GRID2: variants seen among roughly 807,000 people sequenced by gnomAD.
The protein encoded by GRID2 is glutamate ionotropic receptor delta type subunit 2, also known as glutamate receptor ionotropic, delta-2.
A neutral mutation model predicts 114.8 loss-of-function variants in GRID2; 33 were observed. That is an observed-to-expected ratio of 0.29 (90% CI 0.22 to 0.38). The LOEUF (loss-of-function observed/expected upper bound fraction) is 0.38, where lower values mean the gene tolerates loss of function less well. GRID2 is among the 10% of genes least tolerant of loss of function. GRID2 has a pLI of 1.00. For missense variants in GRID2, 1,184 were observed against 1,257.7 expected (o/e 0.94, Z 0.89); for synonymous variants, 505 against 449.9 (o/e 1.12, Z -1.55).
intron 1 of GRID2, among the ~76,000 whole-genome samples, chr4:92,534,094 T>C (rs1560694296): frequency 6.6e-6 from 1 of 152,110 alleles, no homozygotes; most frequent in Non-Finnish European, 1.5e-5. Flanking sequence ...TTAAATCTTT[T>C]TGAAGTAACT....
chr4:93,806,379 C>T (rs1315185442), intron 1 of GRID2, among the ~76,000 whole-genome samples: 1 of 152,126 alleles, frequency 6.6e-6, no homozygotes, highest in Non-Finnish European at 1.5e-5. Flanking sequence ...AGCGATACTG[C>T]CTTTATTTTC....
chr4:93,109,691 A>T (rs2149350313), intron 3 of GRID2, among the ~76,000 whole-genome samples: 1 of 152,206 alleles, frequency 6.6e-6, no homozygotes, highest in East Asian at 1.9e-4. Flanking sequence ...TAAATATTTT[A>T]TTCTTTGGAT....
At chr4:92,944,337 A>G (rs982143117) in intron 2 of GRID2, among the ~76,000 whole-genome samples, 2 of 152,284 alleles carry the variant, frequency 1.3e-5, no homozygotes, top group Admixed American at 6.5e-5. Flanking sequence ...TGTGCTAGCA[A>G]TGAGTGAGGC....
intron 2 of GRID2, among the ~76,000 whole-genome samples, chr4:92,710,284 TAGTA>T (rs1343186830): frequency 4.0e-5 from 6 of 151,466 alleles, no homozygotes; most frequent in African/African-American, 7.3e-5. Flanking sequence ...GAGAAGAAAA[TAGTA>T]AGTACTAAAT....
At chr4:93,671,585 A>G (rs775279478) in intron 14 of GRID2, among the ~76,000 whole-genome samples, 15 of 152,158 alleles carry the variant, frequency 9.9e-5, no homozygotes, top group Non-Finnish European at 2.1e-4. Flanking sequence ...ATTTCTATCT[A>G]CCTCACAGGG....
At chr4:92,470,294 T>G in intron 1 of GRID2, among the ~76,000 whole-genome samples, 1 of 151,834 alleles carries the variant, frequency 6.6e-6, no homozygotes, top group South Asian at 2.1e-4. Context: ...AAAATCATCA[T>G]TAAAAACTTC....
intron 1 of GRID2, among the ~76,000 whole-genome samples, chr4:92,363,647 A>T (rs1728718126): frequency 6.6e-6 from 1 of 151,852 alleles, no homozygotes; most frequent in African/African-American, 2.4e-5. Flanking sequence ...TTATTTTGTC[A>T]TTTAGACTTC....
chr4:93,326,782 A>G (rs1241051578), intron 8 of GRID2, among the ~76,000 whole-genome samples: 1 of 152,156 alleles, frequency 6.6e-6, no homozygotes, highest in African/African-American at 2.4e-5. Flanking sequence ...TGGCTTTATC[A>G]TTCAGTTACC....
chr4:92,837,336 G>A (rs1039134630), intron 2 of GRID2, among the ~76,000 whole-genome samples: 1 of 151,900 alleles, frequency 6.6e-6, no homozygotes. Flanking sequence ...GACCAGAAGG[G>A]TCCATTTCTA....
intron 4 of GRID2, among the ~76,000 whole-genome samples, chr4:93,173,748 T>G (rs1739076854): frequency 6.6e-6 from 1 of 151,920 alleles, no homozygotes; most frequent in East Asian, 1.9e-4. Flanking sequence ...TCCAACCTCA[T>G]CCTCCCAAGC....
intron 1 of GRID2, among the ~76,000 whole-genome samples, chr4:92,436,832 T>C (rs1056690795): frequency 6.6e-6 from 1 of 152,184 alleles, no homozygotes; most frequent in African/African-American, 2.4e-5. Flanking sequence ...GATTTATTTA[T>C]GATATAAGAA....
At chr4:93,629,495 T>G (rs1485788614) in intron 14 of GRID2, among the ~76,000 whole-genome samples, 1 of 152,090 alleles carries the variant, frequency 6.6e-6, no homozygotes, top group Non-Finnish European at 1.5e-5. Flanking sequence ...ATTTGTTCCA[T>G]TTTTTTATAG....
At chr4:93,719,595 A>G (rs1729185768) in intron 14 of GRID2, among the ~76,000 whole-genome samples, 1 of 152,196 alleles carries the variant, frequency 6.6e-6, no homozygotes, top group South Asian at 2.1e-4. Context: ...ACAAGGCATC[A>G]ATCAGATCCA....
At chr4:92,835,446 G>C (rs1742387304) in intron 2 of GRID2, among the ~76,000 whole-genome samples, 1 of 152,106 alleles carries the variant, frequency 6.6e-6, no homozygotes, top group South Asian at 2.1e-4. Context: ...TGTCTATCTA[G>C]TACAGAGGAA....
chr4:93,704,283 A>G (rs1485557244), intron 14 of GRID2, among the ~76,000 whole-genome samples: 2 of 152,170 alleles, frequency 1.3e-5, no homozygotes, highest in African/African-American at 4.8e-5. Flanking sequence ...TTTTGGCTGC[A>G]TAAATGTCTT....
chr4:92,929,628 TA>T (rs1451313960), intron 2 of GRID2, among the ~76,000 whole-genome samples: 1 of 151,372 alleles, frequency 6.6e-6, no homozygotes, highest in East Asian at 1.9e-4. Flanking sequence ...ATTTATTTGA[TA>T]AAGTCTTCTT....
chr4:92,439,246 C>T (rs537475561), intron 1 of GRID2, among the ~76,000 whole-genome samples: 7 of 152,040 alleles, frequency 4.6e-5, no homozygotes, highest in South Asian at 2.1e-4. Context: ...AGGCAAGGAC[C>T]GGCCATTTAC....
In GRID2 at chr4:92,688,037, C is replaced by CCTTTTTTTTTTTTTTTTTT. The variant is rs1553916864; in HGVS notation, c.244+97751_244+97752insCTTTTTTTTTTTTTTTTTT. Among the ~76,000 whole-genome samples, 397 of 44,666 alleles carry CCTTTTTTTTTTTTTTTTTT rather than the reference C, an allele frequency of 8.9e-3. 53 individuals are homozygous for CCTTTTTTTTTTTTTTTTTT. The highest frequency in any genetic ancestry group is 0.023 in the East Asian group (43 of 1,888). 29.3% of individuals were successfully genotyped at this position (44,666 alleles called of 152,430 possible). A position where few individuals can be genotyped will look rare whatever the true frequency, so the allele number is the denominator to read the frequency against. On this transcript the variant is annotated intron_variant, in intron 2 of 15. Transcript: ENST00000282020. ...GCCACATTGGTTGACCCTTCTTCTT[C>CCTTTTTTTTTTTTTTTTTT]TTTTTTTTTTTTTTTTTTTTTTTTT...
rs1205096650 is a variant in GRID2, at chr4:93,371,741, C to CTTTTTTTT, written c.1246-23850_1246-23843dup. Among the ~76,000 whole-genome samples, 184 of 89,752 alleles carry CTTTTTTTT rather than the reference C, an allele frequency of 2.1e-3. 1 individual carries two copies. Among genetic ancestry groups the CTTTTTTTT allele is most frequent in the African/African-American group, 4.7e-3 (100 of 21,430 alleles). The allele number at this position is 89,752 out of a possible 152,430, so 58.9% of individuals were successfully genotyped here. A position where few individuals can be genotyped will look rare whatever the true frequency, so the allele number is the denominator to read the frequency against. On this transcript the variant is annotated intron_variant, in intron 8 of 15. Coordinates refer to ENST00000282020, the MANE Select transcript of GRID2 (RefSeq NM_001510.4). ...ATTGGTATATACATAATCACTATTT[C>CTTTTTTTT]TTTTTTTTTTTTTTTTTTTTTTTGG...
Sources: gnomAD v4.1 joint callset for allele counts (sites outside exome capture counted in the v4.1 genomes callset) on GRCh38, gnomAD v4.1.1 for gene constraint, MANE v1.5 for transcripts, NCBI Gene and HGNC (gene_info 2026-07-23, HGNC 2026-07-21) for gene names.